The following TOX2 variants were observed in gnomAD, a reference collection of about 807,000 sequenced individuals.
TOX2 encodes granulosa cell HMG box 1.
In TOX2, 15 loss-of-function variants were observed where a neutral mutation model predicts 47.4. That is an observed-to-expected ratio of 0.32 (90% CI 0.21 to 0.49). TOX2 has a LOEUF of 0.49. Among genes scored for constraint, TOX2 ranks in the 20% least tolerant of loss-of-function variants. TOX2 has a pLI of 0.99. For synonymous variants in TOX2, 290 were observed against 296.6 expected (o/e 0.98, Z 0.23); for missense variants, 622 against 673.1 (o/e 0.92, Z 0.84).
rs911186522 is a variant in TOX2, at chr20:43,952,101, C to G, written c.100-21266C>G. On this transcript the variant is annotated intron_variant, in intron 1 of 8. Transcript: ENST00000341197. ...AATTTTTAGTAGAGATGGGGTTTCA[C>G]CATGTTAGCCAGGATGGTCTCGATC... Among the ~76,000 whole-genome samples, 22 of 151,990 alleles carry G rather than the reference C, an allele frequency of 1.4e-4. No individual in the cohort carries two copies. The South Asian group carries it at 1.5e-3, about 10-fold the overall frequency.
chr20:43,994,156 A>G (rs890470278), intron 2 of TOX2, among the ~76,000 whole-genome samples: 1 of 151,950 alleles, frequency 6.6e-6, no homozygotes, highest in African/African-American at 2.4e-5. Context: ...GTCTCGAAAA[A>G]GAAAATTCAA....
intron 5 of TOX2, among the ~76,000 whole-genome samples, chr20:44,060,286 A>C (rs1231019848): frequency 6.6e-6 from 1 of 152,062 alleles, no homozygotes; most frequent in Non-Finnish European, 1.5e-5. Context: ...TGAGAAAGAT[A>C]GACAGTAAAA....
chr20:44,044,843 A>T (rs980826681), intron 3 of TOX2, among the ~76,000 whole-genome samples: 2 of 152,214 alleles, frequency 1.3e-5, no homozygotes, highest in Non-Finnish European at 2.9e-5. Flanking sequence ...TCCTAGCAGC[A>T]TTATTCATAA....
chr20:44,001,636 G>A (rs2070584423), intron 2 of TOX2, among the ~76,000 whole-genome samples: 1 of 151,968 alleles, frequency 6.6e-6, no homozygotes, highest in Non-Finnish European at 1.5e-5. Flanking sequence ...TTGACTGAAA[G>A]GAATGGACTT....
intron 1 of TOX2, among the ~76,000 whole-genome samples, chr20:43,924,059 T>C (rs2069139464): frequency 6.6e-6 from 1 of 151,772 alleles, no homozygotes; most frequent in Non-Finnish European, 1.5e-5. Flanking sequence ...GGTGAAGGAG[T>C]TCACTGCAGT....
intron 1 of TOX2, among the ~76,000 whole-genome samples, chr20:43,932,640 A>G (rs965640882): frequency 6.6e-6 from 1 of 152,126 alleles, no homozygotes; most frequent in Non-Finnish European, 1.5e-5. Flanking sequence ...TTCTCTGCAC[A>G]TAGGACTTGG....
chr20:43,956,678 C>A (rs1251108287), intron 1 of TOX2, among the ~76,000 whole-genome samples: 1 of 152,180 alleles, frequency 6.6e-6, no homozygotes, highest in East Asian at 1.9e-4. Context: ...TCGTCCCCTG[C>A]CTCTGGCTAG....
chr20:43,915,268 C>A lies in TOX2; in HGVS notation c.99+278C>A, dbSNP rs991992817. 7.2e-5 allele frequency among the ~76,000 whole-genome samples: 11 copies of A among 152,122 alleles called. No individual in the cohort carries two copies. The highest frequency in any genetic ancestry group is 2.0e-4 in the Admixed American group (3 of 15,282). ...TCATTCACAAGCCGTCACAGTGACC[C>A]ACAGCCACACGCAGGCGGCCAGGCA... On this transcript the variant is annotated intron_variant, in intron 1 of 8. Coordinates refer to ENST00000341197, the MANE Select transcript of TOX2 (RefSeq NM_001098797.2). This position sits in a 1 kb window ranked among gnomAD's most constrained non-coding sequence, Gnocchi z 7.1.
chr20:44,037,246 G>A (rs968113216), intron 3 of TOX2, among the ~76,000 whole-genome samples: 6 of 152,172 alleles, frequency 3.9e-5, no homozygotes, highest in African/African-American at 9.7e-5. Context: ...GAGCCATGGC[G>A]CCCAGTCATT....
intron 3 of TOX2, among the ~76,000 whole-genome samples, chr20:44,035,541 T>C (rs2071226265): frequency 6.6e-6 from 1 of 151,986 alleles, no homozygotes; most frequent in Admixed American, 6.5e-5. Flanking sequence ...ACACAAGGCG[T>C]CTTGAAGGAG....
At chr20:43,922,619 A>AAT (rs1433757788) in intron 1 of TOX2, among the ~76,000 whole-genome samples, 1 of 152,234 alleles carries the variant, frequency 6.6e-6, no homozygotes, top group Non-Finnish European at 1.5e-5. Flanking sequence ...AGTGATTATT[A>AAT]ACCTAATGAG....
At chr20:43,968,542 A>T (rs79100390) in intron 1 of TOX2, among the ~76,000 whole-genome samples, 1 of 152,140 alleles carries the variant, frequency 6.6e-6, no homozygotes, top group Admixed American at 6.5e-5. Context: ...GGAGAGACAG[A>T]TGCCTTAGAA....
Position 44,009,148 on chromosome 20 carries a change from A to G in TOX2, c.411+2356A>G, listed in dbSNP as rs137904517. ...AAGCCACAGTCGAATTTGTGGCCCA[A>G]TTCTAGCAGACCCCTGGGACCTTAG... On this transcript the variant is annotated intron_variant, in intron 3 of 8. Coordinates refer to ENST00000341197, the MANE Select transcript of TOX2 (RefSeq NM_001098797.2). 5.2e-3 allele frequency among the ~76,000 whole-genome samples: 790 copies of G among 152,290 alleles called. 3 individuals carry two copies. Among genetic ancestry groups the G allele is most frequent in the Middle Eastern group, 0.041 (12 of 294 alleles).
At chr20:43,971,704 T>C (rs1341439245) in intron 1 of TOX2, among the ~76,000 whole-genome samples, 1 of 152,250 alleles carries the variant, frequency 6.6e-6, no homozygotes, top group East Asian at 1.9e-4. Context: ...CAACTACCCA[T>C]GTGCTCAGCT....
Position 44,054,614 on chromosome 20 carries a change from A to G in TOX2, c.879+88A>G, listed in dbSNP as rs79564181. 3,077 of 1,393,784 alleles carry G rather than the reference A, an allele frequency of 2.2e-3. 58 individuals are homozygous for G. The African/African-American group carries it at 0.04, about 18-fold the overall frequency. The allele number at this position is 1,393,784 out of a possible 1,614,324, so 86.3% of individuals were successfully genotyped here. On this transcript the variant is annotated intron_variant, in intron 5 of 8. Transcript: ENST00000341197. The stretch of plus-strand genomic sequence containing the variant: ...ACTTTGAAGGTCTGAAACCAGGCCC[A>G]GCTCTGGAACTAGAGACTCTTACAG...
intron 3 of TOX2, among the ~76,000 whole-genome samples, chr20:44,033,532 A>G (rs1264943107): frequency 6.6e-6 from 1 of 152,150 alleles, no homozygotes; most frequent in South Asian, 2.1e-4. Flanking sequence ...TATTTGTGTG[A>G]GCTCAATGAT....
intron 3 of TOX2, among the ~76,000 whole-genome samples, chr20:44,008,331 C>T (rs745622646): frequency 2.6e-5 from 4 of 151,784 alleles, no homozygotes; most frequent in African/African-American, 4.8e-5. Flanking sequence ...GAGGCTGAGG[C>T]GGGGGATCAC....
chr20:43,967,050 A>G (rs1007582801), intron 1 of TOX2, among the ~76,000 whole-genome samples: 2 of 152,184 alleles, frequency 1.3e-5, no homozygotes, highest in Admixed American at 1.3e-4. Context: ...CACACTCAGC[A>G]TACTCTTAGG....
intron 8 of TOX2, 145 bp from the exon 9 acceptor site, chr20:44,068,505 A>G (rs2071875275): frequency 6.5e-5 from 46 of 705,622 alleles, no homozygotes; most frequent in African/African-American, 8.8e-5. Flanking sequence ...TGGGGGTGGG[A>G]CTTGCAGATG....
Sources: allele counts gnomAD v4.1 joint callset (sites outside exome capture counted in the v4.1 genomes callset), GRCh38; gene constraint gnomAD v4.1.1; non-coding constraint Gnocchi (gnomAD v3.1); transcripts MANE v1.5; gene names NCBI Gene and HGNC (gene_info 2026-07-23, HGNC 2026-07-21).